Variants in SYNRG observed in about 807,000 individuals in gnomAD.
SYNRG encodes the protein AP1 gamma subunit binding protein 1.
SYNRG carries 37 observed loss-of-function variants against 130.9 expected under a neutral mutation model. The ratio of observed to expected loss-of-function variants is 0.28; its 90% CI spans 0.22 to 0.37. The LOEUF (loss-of-function observed/expected upper bound fraction) is 0.37, where lower values mean the gene tolerates loss of function less well. Ranked by LOEUF, SYNRG falls within the 10% of genes least tolerant of loss-of-function variation. The pLI, the probability that SYNRG is intolerant of heterozygous loss-of-function variation, is 1.00. For synonymous variants in SYNRG, 539 were observed against 568.1 expected, an observed-to-expected ratio of 0.95 and a Z score of 0.73; for missense variants, 1,338 against 1,588.9, an observed-to-expected ratio of 0.84 and a Z score of 2.68.
intron 3 of SYNRG, among the ~76,000 whole-genome samples, chr17:37,587,975 T>TC (rs948995607): frequency 6.6e-6 from 1 of 152,178 alleles, no homozygotes; most frequent in Non-Finnish European, 1.5e-5. Flanking sequence ...TTATTTTTTT[T>TC]CCGTGAGCTT....
chr17:37,518,885 T>A lies in SYNRG; in HGVS notation c.*55A>T. Reference sequence around the variant, plus strand: ...CTCGCATTCTATTTATTGGTCCCTGTCACCCCGTGGGGTGTCACAGAAAAA... The same window carrying A: ...CTCGCATTCTATTTATTGGTCCCTGACACCCCGTGGGGTGTCACAGAAAAA... On this transcript the variant is annotated 3_prime_UTR_variant, in exon 22 of 22. Coordinates refer to ENST00000612223, the MANE Select transcript of SYNRG (RefSeq NM_007247.6). 1 of 1,592,726 alleles carries A rather than the reference T, an allele frequency of 6.3e-7. No homozygotes were observed. The highest frequency in any genetic ancestry group is 8.6e-7 in the Non-Finnish European group (1 of 1,168,112).
chr17:37,563,506 T>C (rs2059694170), intron 11 of SYNRG, among the ~76,000 whole-genome samples: 1 of 152,214 alleles, frequency 6.6e-6, no homozygotes, highest in African/African-American at 2.4e-5. Flanking sequence ...CAAAGTCCTA[T>C]ATGTTAACCC....
chr17:37,530,433 A>T (rs1346947503), intron 19 of SYNRG, among the ~76,000 whole-genome samples: 8 of 152,066 alleles, frequency 5.3e-5, no homozygotes, highest in Admixed American at 5.2e-4. Flanking sequence ...ATCCTTCTCT[A>T]CCCCACAGCT....
chr17:37,561,692 A>C, intron 11 of SYNRG, 103 bp from the exon 12 acceptor site: 5 of 768,906 alleles, frequency 6.5e-6, no homozygotes, highest in Non-Finnish European at 1.1e-5. Flanking sequence ...ATTAAAACTC[A>C]TGGCTCTCTG....
chr17:37,556,683 AT>A (rs1429119049), intron 13 of SYNRG, among the ~76,000 whole-genome samples: 2 of 152,166 alleles, frequency 1.3e-5, no homozygotes, highest in Non-Finnish European at 2.9e-5. Context: ...ATTTCCTGTA[AT>A]TTATATTTGT....
intron 14 of SYNRG, among the ~76,000 whole-genome samples, chr17:37,548,826 A>T (rs1163929268): frequency 3.4e-5 from 4 of 118,012 alleles, no homozygotes; most frequent in East Asian, 2.3e-4. Flanking sequence ...ACTCTGTCTT[A>T]AAAAAAAAAA....
At chr17:37,561,342 A>C in intron 12 of SYNRG, 85 bp from the exon 13 acceptor site, 1 of 1,472,234 alleles carries the variant, frequency 6.8e-7, no homozygotes, top group Non-Finnish European at 9.5e-7. Context: ...GGTTTAACCA[A>C]ACACTATTAA....
At chr17:37,579,096 C>T in intron 6 of SYNRG, 1 of 1,117,220 alleles carries the variant, frequency 9.0e-7, no homozygotes, top group Non-Finnish European at 1.1e-6. Flanking sequence ...CCCAGGATAT[C>T]TTAAGAATAT....
chr17:37,590,559 C>T (rs772682401), intron 3 of SYNRG, among the ~76,000 whole-genome samples: 8 of 152,062 alleles, frequency 5.3e-5, no homozygotes, highest in African/African-American at 1.4e-4. Flanking sequence ...AGGGTACATA[C>T]GTAAAATTTA....
chr17:37,542,052 A>T lies in SYNRG; in HGVS notation c.3122T>A (p.Val1041Glu). The change falls in exon 15 of 22, where the codon GTA becomes GAA. Residue 1041 changes from valine to glutamate, a missense_variant. This residue lies in a region of SYNRG where 1,146 missense variants were observed against 1,342.3 expected (regional missense o/e 0.85). Coordinates refer to ENST00000612223, the MANE Select transcript of SYNRG (RefSeq NM_007247.6). ...KPKISKFDFL[V>E]ATSQSKMKSS... is the part of the protein sequence containing the mutation. Reference sequence around the variant, plus strand: ...TTTCATTTTGCTTTGTGAAGTGGCTACTAAGAAGTCAAATTTGCTGATTTT... The same window carrying T: ...TTTCATTTTGCTTTGTGAAGTGGCTTCTAAGAAGTCAAATTTGCTGATTTT... The T allele has an allele frequency of 6.2e-7, 1 of 1,614,220 alleles. No individual in the cohort carries two copies. Among genetic ancestry groups the T allele is most frequent in the Non-Finnish European group, 8.5e-7 (1 of 1,180,028 alleles).
At chr17:37,586,334 A>C in intron 4 of SYNRG, 85 bp downstream of exon 4, 2 of 1,552,068 alleles carry the variant, frequency 1.3e-6, no homozygotes, top group Non-Finnish European at 1.7e-6. Flanking sequence ...TTTAGTTTCA[A>C]ATCTGCACTA....
chr17:37,519,660 G>T (rs2074411), intron 21 of SYNRG, among the ~76,000 whole-genome samples: 1 of 151,806 alleles, frequency 6.6e-6, no homozygotes, highest in Non-Finnish European at 1.5e-5. Flanking sequence ...AAAATGCCTC[G>T]AAATGAATGG....
At chr17:37,521,011 G>A (rs2054959444) in intron 19 of SYNRG, among the ~76,000 whole-genome samples, 3 of 149,838 alleles carry the variant, frequency 2.0e-5, no homozygotes, top group African/African-American at 7.4e-5. Flanking sequence ...GCCAGAGACT[G>A]CGTCCTAGAA....
intron 17 of SYNRG, chr17:37,538,930 A>C: frequency 1.5e-6 from 1 of 654,562 alleles, no homozygotes; most frequent in Non-Finnish European, 1.9e-6. Context: ...ATTTTGATTT[A>C]GTCAGAGTTA....
At chr17:37,591,119 G>A (rs557546126) in intron 3 of SYNRG, among the ~76,000 whole-genome samples, 2 of 152,202 alleles carry the variant, frequency 1.3e-5, no homozygotes, top group African/African-American at 4.8e-5. Context: ...AATAAAATGA[G>A]TTCAGTAAGG....
chr17:37,525,786 T>G (rs897008216), intron 19 of SYNRG, among the ~76,000 whole-genome samples: 3 of 152,104 alleles, frequency 2.0e-5, no homozygotes, highest in East Asian at 1.9e-4. Flanking sequence ...GCCAACATGG[T>G]GAAACCCCGT....
chr17:37,525,148 G>T (rs1179509134), intron 19 of SYNRG, among the ~76,000 whole-genome samples: 1 of 152,052 alleles, frequency 6.6e-6, no homozygotes, highest in Non-Finnish European at 1.5e-5. Flanking sequence ...TTAACAGTTT[G>T]GCACCAATCA....
chr17:37,577,359 C>T (rs1028452629), intron 7 of SYNRG, 21 bp downstream of exon 7: 2 of 1,606,488 alleles, frequency 1.2e-6, no homozygotes, highest in Admixed American at 1.7e-5. Context: ...AAGTTTTTTG[C>T]TGAATGCTTC....
intron 13 of SYNRG, among the ~76,000 whole-genome samples, chr17:37,555,058 T>A (rs1315867267): frequency 6.6e-6 from 1 of 152,124 alleles, no homozygotes; most frequent in Non-Finnish European, 1.5e-5. Flanking sequence ...TTAAATAGAG[T>A]GGGTACTTAT....
Sources: allele counts gnomAD v4.1 joint callset (sites outside exome capture counted in the v4.1 genomes callset), GRCh38; gene constraint gnomAD v4.1.1; regional missense constraint gnomAD v4.1.1; transcripts MANE v1.5; gene names NCBI Gene and HGNC (gene_info 2026-07-23, HGNC 2026-07-21).